The following ATF1 variants were observed in gnomAD, a reference collection of about 807,000 sequenced individuals.
ATF1 encodes the protein activating transcription factor 1.
In ATF1, 16 loss-of-function variants were observed where a neutral mutation model predicts 34.7. The ratio of observed to expected loss-of-function variants is 0.46; its 90% confidence interval spans 0.31 to 0.70. The LOEUF (loss-of-function observed/expected upper bound fraction) is 0.70. Among genes scored for constraint, ATF1 ranks in the 30% least tolerant of loss-of-function variants. ATF1 has a pLI of 0.05. For missense variants in ATF1, 255 were observed against 321.6 expected, an observed-to-expected ratio of 0.79 and a Z score of 1.58; for synonymous variants, 105 against 113.1, an observed-to-expected ratio of 0.93 and a Z score of 0.46.
At chr12:50,765,143 A>G (rs1336000227) in intron 1 of ATF1, among the ~76,000 whole-genome samples, 1 of 152,040 alleles carries the variant, frequency 6.6e-6, no homozygotes, top group East Asian at 1.9e-4. Flanking sequence ...GTCTTTGAGA[A>G]CCTTTAGGGT....
chr12:50,780,502 G>A (rs1253804329), intron 2 of ATF1, among the ~76,000 whole-genome samples: 3 of 151,562 alleles, frequency 2.0e-5, no homozygotes, highest in Admixed American at 1.3e-4. Flanking sequence ...CTGCCACCAC[G>A]CCTGGCTATT....
chr12:50,798,458 G>A (rs1340082740), intron 3 of ATF1, among the ~76,000 whole-genome samples: 2 of 151,734 alleles, frequency 1.3e-5, no homozygotes, highest in Admixed American at 6.6e-5. Flanking sequence ...ACAGGCGCCC[G>A]CCACCACACC....
chr12:50,811,449 T>G (rs1326558994), intron 4 of ATF1, among the ~76,000 whole-genome samples: 1 of 151,912 alleles, frequency 6.6e-6, no homozygotes, highest in South Asian at 2.1e-4. Flanking sequence ...TTCAGTTGTT[T>G]GTTATGAATT....
intron 6 of ATF1, among the ~76,000 whole-genome samples, chr12:50,818,497 C>A (rs563338065): frequency 1.3e-5 from 2 of 152,242 alleles, no homozygotes; most frequent in South Asian, 2.1e-4. Flanking sequence ...AAAATAAAGT[C>A]TTTTTGTGAG....
At chr12:50,803,384 G>A (rs1357506228) in intron 3 of ATF1, among the ~76,000 whole-genome samples, 1 of 151,572 alleles carries the variant, frequency 6.6e-6, no homozygotes, top group Non-Finnish European at 1.5e-5. Context: ...AATCAAAATT[G>A]TGAAATACTG....
intron 1 of ATF1, among the ~76,000 whole-genome samples, chr12:50,766,287 C>T (rs1323120962): frequency 6.6e-6 from 1 of 152,190 alleles, no homozygotes; most frequent in Non-Finnish European, 1.5e-5. Context: ...GACGCTTAAG[C>T]TTGACTGACC....
At chr12:50,780,950 A>T (rs1433170566) in intron 2 of ATF1, among the ~76,000 whole-genome samples, 2 of 152,196 alleles carry the variant, frequency 1.3e-5, no homozygotes, top group Middle Eastern at 3.4e-3. Flanking sequence ...ATAGAACGAG[A>T]CTCCATATCA....
chr12:50,814,795 A>G (rs1941808643), intron 6 of ATF1, among the ~76,000 whole-genome samples: 1 of 150,324 alleles, frequency 6.7e-6, no homozygotes, highest in Non-Finnish European at 1.5e-5. Context: ...ACTTTTAATC[A>G]TTATTTTAAA....
At chr12:50,815,615 G>A (rs976362497) in intron 6 of ATF1, among the ~76,000 whole-genome samples, 1 of 151,152 alleles carries the variant, frequency 6.6e-6, no homozygotes, top group East Asian at 1.9e-4. Context: ...TCTCAGACCT[G>A]GGCTCAAGTG....
intron 4 of ATF1, among the ~76,000 whole-genome samples, chr12:50,813,002 G>GA (rs540603058): frequency 1.6e-4 from 24 of 150,628 alleles, no homozygotes; most frequent in East Asian, 1.4e-3. Flanking sequence ...AGCATAAAAG[G>GA]AAAAAAAAAT....
intron 6 of ATF1, among the ~76,000 whole-genome samples, chr12:50,817,228 C>T (rs1391346740): frequency 6.6e-6 from 1 of 151,990 alleles, no homozygotes; most frequent in African/African-American, 2.4e-5. Context: ...GAAACAACCT[C>T]AAGATTCATT....
At chr12:50,763,596 CA>C (rs1385017457), upstream of ATF1, 1 of 133,328 alleles carries the variant, frequency 7.5e-6, no homozygotes, top group African/African-American at 2.8e-5. Flanking sequence ...GCCTGGGCCA[CA>C]GACCCCCGTC....
chr12:50,814,520 A>G, intron 6 of ATF1, 81 bp downstream of exon 6: 1 of 1,405,204 alleles, frequency 7.1e-7, no homozygotes, highest in Non-Finnish European at 9.8e-7. Flanking sequence ...CTGGAACTGT[A>G]TACAGTCATG....
At chr12:50,789,125 C>T (rs1941249266) in intron 2 of ATF1, among the ~76,000 whole-genome samples, 1 of 151,588 alleles carries the variant, frequency 6.6e-6, no homozygotes, top group Non-Finnish European at 1.5e-5. Flanking sequence ...GTTGCCTAGG[C>T]TGGAGTGCAG....
chr12:50,786,104 G>C (rs2139658171), intron 2 of ATF1, among the ~76,000 whole-genome samples: 1 of 152,204 alleles, frequency 6.6e-6, no homozygotes, highest in South Asian at 2.1e-4. Context: ...TATCCAGTAG[G>C]CAGCTAGATA....
intron 1 of ATF1, among the ~76,000 whole-genome samples, chr12:50,778,292 C>T (rs1354346259): frequency 1.6e-5 from 2 of 126,196 alleles, no homozygotes; most frequent in Non-Finnish European, 3.2e-5. Flanking sequence ...GTGGTACGAT[C>T]TCAGCTCACT....
chr12:50,814,792 A>G (rs555872766), intron 6 of ATF1, among the ~76,000 whole-genome samples: 2 of 151,488 alleles, frequency 1.3e-5, no homozygotes, highest in Non-Finnish European at 3.0e-5. Context: ...TATACTTTTA[A>G]TCATTATTTT....
At chr12:50,805,918 A>G (rs1023473317) in intron 3 of ATF1, among the ~76,000 whole-genome samples, 10 of 152,232 alleles carry the variant, frequency 6.6e-5, no homozygotes, top group Non-Finnish European at 1.3e-4. Flanking sequence ...TGGGAGGCCC[A>G]GGTGGGCAGA....
intron 3 of ATF1, among the ~76,000 whole-genome samples, chr12:50,797,180 C>T (rs934633746): frequency 2.0e-5 from 3 of 152,156 alleles, no homozygotes; most frequent in Admixed American, 1.3e-4. Flanking sequence ...GAGGGAAGGG[C>T]ACTTCCAGCT....
Sources: allele counts gnomAD v4.1 joint callset (sites outside exome capture counted in the v4.1 genomes callset), GRCh38; gene constraint gnomAD v4.1.1; transcripts MANE v1.5; gene names NCBI Gene and HGNC (gene_info 2026-07-23, HGNC 2026-07-21).